Variants in SLC17A7 observed in about 807,000 individuals in gnomAD.
The protein encoded by SLC17A7 is solute carrier family 17 member 7, also known as vesicular glutamate transporter 1.
Under a neutral mutation model 59.1 loss-of-function variants are expected in SLC17A7, and 15 were observed. That is an observed-to-expected ratio of 0.25 (90% confidence interval 0.17 to 0.39). SLC17A7 has a LOEUF of 0.39. SLC17A7 is among the 10% of genes least tolerant of loss of function. SLC17A7 has a pLI of 1.00. For synonymous variants in SLC17A7, 353 were observed against 308.9 expected, an observed-to-expected ratio of 1.14 and a Z score of -1.50; for missense variants, 499 against 765.1, an observed-to-expected ratio of 0.65 and a Z score of 4.10.
In SLC17A7 at chr19:49,436,996, G is replaced by A. The variant is rs2122303424; in HGVS notation, c.63-195C>T. ...AAATCCTCCATCTCCCTCAGACCGG[G>A]AATTCAGGCCCCCAGCCCCCTCCTT... is the stretch of plus-strand genomic sequence containing the variant. On this transcript the variant is annotated intron_variant, in intron 1 of 11. Coordinates refer to ENST00000221485, the MANE Select transcript of SLC17A7 (RefSeq NM_020309.4). This position sits in a 1 kb window ranked among gnomAD's most constrained non-coding sequence, Gnocchi z 4.1. 2.8e-6 allele frequency: 2 copies of A among 713,748 alleles called. No homozygotes were observed. Among genetic ancestry groups the A allele is most frequent in the South Asian group, 1.9e-5 (1 of 51,472 alleles). The allele number at this position is 713,748 out of a possible 1,614,324, so 44.2% of individuals were successfully genotyped here. A position where few individuals can be genotyped will look rare whatever the true frequency, so the allele number is the denominator to read the frequency against.
In SLC17A7 at chr19:49,431,059, C is replaced by T. The variant is rs1273608876; in HGVS notation, c.1345G>A (p.Gly449Ser). The change falls in exon 11 of 12, where the codon GGC (glycine) becomes AGC (serine). Residue 449 changes from glycine (G) to serine (S), a missense_variant. Coordinates refer to ENST00000221485, the MANE Select transcript of SLC17A7 (RefSeq NM_020309.4). This position sits in a 1 kb window ranked among gnomAD's most constrained non-coding sequence, Gnocchi z 4.6. Reference sequence around the variant, plus strand: ...CCCACGATGATGGGGCACACCATGCCCGACAGTGTGCCCACGCCGTTGGAG... The same window carrying T: ...CCCACGATGATGGGGCACACCATGCTCGACAGTGTGCCCACGCCGTTGGAG... ...GISNGVGTLS[G>S]MVCPIIVGAM... 6.2e-7 allele frequency: 1 copy of T among 1,613,554 alleles called. No homozygotes were observed. Among genetic ancestry groups the T allele is most frequent in the Non-Finnish European group, 8.5e-7 (1 of 1,179,988 alleles).
chr19:49,435,364 G>A (rs771577352), intron 2 of SLC17A7, 78 bp from the exon 3 acceptor site: 12 of 1,017,662 alleles, frequency 1.2e-5, no homozygotes, highest in Non-Finnish European at 1.7e-5. Context: ...CACAGACTTA[G>A]CGTCTCGACC....
rs1413357081 is a variant in SLC17A7, at chr19:49,430,385, A to C, written c.*134T>G. 1 of 624,112 alleles carries C rather than the reference A, an allele frequency of 1.6e-6. No individual in the cohort carries two copies. Among genetic ancestry groups the C allele is most frequent in the East Asian group, 3.0e-5 (1 of 33,552 alleles). The allele number at this position is 624,112 out of a possible 1,614,324, so 38.7% of individuals were successfully genotyped here. A position where few individuals can be genotyped will look rare whatever the true frequency, so the allele number is the denominator to read the frequency against. On this transcript the variant is annotated 3_prime_UTR_variant, in exon 12 of 12. Transcript: ENST00000221485. Reference sequence around the variant, plus strand: ...TGGGAAGGAAAGAGGATTTGACAGCACTGGGAACAAGGGAGAGTGCTTCTT... The same window carrying C: ...TGGGAAGGAAAGAGGATTTGACAGCCCTGGGAACAAGGGAGAGTGCTTCTT...
At position 49,433,978 on chromosome 19, in the gene SLC17A7, A is replaced by T; in HGVS notation, c.706T>A (p.Ser236Thr). The change falls in exon 6 of 12, where the codon TCT (serine) becomes ACT (threonine). Residue 236 changes from serine to threonine, a missense_variant. Transcript: ENST00000221485. This position sits in a 1 kb window ranked among gnomAD's most constrained non-coding sequence, Gnocchi z 5.7. Reference sequence around the variant, plus strand: ...CCCTCACCGTAGACGTAGAAAACAGAGCTCCATCCTGAGTACTGCACAAGG... The same window carrying T: ...CCCTCACCGTAGACGTAGAAAACAGTGCTCCATCCTGAGTACTGCACAAGG... Reference protein sequence around the residue: ...GVLVQYSGWSSVFYVYGSFGI... With the variant: ...GVLVQYSGWSTVFYVYGSFGI... The T allele has an allele frequency of 6.2e-7, 1 of 1,613,504 alleles. No homozygotes were observed. The highest frequency in any genetic ancestry group is 1.7e-4 in the Middle Eastern group (1 of 6,060).
intron 8 of SLC17A7, 22 bp downstream of exon 8, chr19:49,432,789 G>A: frequency 6.3e-7 from 1 of 1,587,526 alleles, no homozygotes; most frequent in Non-Finnish European, 8.6e-7. Context: ...GCGCCCCCCT[G>A]CCCTCTCCTC....
rs762433312 is a variant in SLC17A7, at chr19:49,431,129, G to A, written c.1275C>T (p.Asn425=). The A allele has an allele frequency of 1.2e-6, 2 of 1,613,644 alleles. No homozygotes were observed. The highest frequency in any genetic ancestry group is 2.2e-5 in the South Asian group (2 of 91,070). ...SGFAISGFNV[N]HLDIAPRYAS... Reference sequence around the variant, plus strand: ...CGTAGCGCGGGGCTATGTCCAGGTGGTTCACGTTGAACCCTGGCGGAGAGA... The same window carrying A: ...CGTAGCGCGGGGCTATGTCCAGGTGATTCACGTTGAACCCTGGCGGAGAGA... Residue 425 remains asparagine, a synonymous_variant, in exon 11 of 12, where the codon AAC becomes AAT. Coordinates refer to ENST00000221485, the MANE Select transcript of SLC17A7 (RefSeq NM_020309.4). This position sits in a 1 kb window ranked among gnomAD's most constrained non-coding sequence, Gnocchi z 4.6.
At chr19:49,440,720 G>A (rs756591227) in intron 1 of SLC17A7, among the ~76,000 whole-genome samples, 2 of 152,172 alleles carry the variant, frequency 1.3e-5, no homozygotes, top group African/African-American at 2.4e-5. Context: ...ACAGAGAGAC[G>A]GAGAGACCCA....
chr19:49,441,436 C>T lies in SLC17A7; in HGVS notation c.-57G>A. On this transcript the variant is annotated 5_prime_UTR_variant, in exon 1 of 12. Coordinates refer to ENST00000221485, the MANE Select transcript of SLC17A7 (RefSeq NM_020309.4). ...GGTCCCCCCCGCCGATCCCCCCGCCCGCGGGCCCGGGCGGCCGCGTCCGGG... is the reference window on the plus strand; with the variant it reads ...GGTCCCCCCCGCCGATCCCCCCGCCTGCGGGCCCGGGCGGCCGCGTCCGGG... 3 of 1,372,474 alleles carry T rather than the reference C, an allele frequency of 2.2e-6. No individual in the cohort carries two copies. Among genetic ancestry groups the T allele is most frequent in the Non-Finnish European group, 2.8e-6 (3 of 1,061,070 alleles). The allele number at this position is 1,372,474 out of a possible 1,614,324, so 85.0% of individuals were successfully genotyped here.
In SLC17A7 at chr19:49,434,862, A is replaced by G; in HGVS notation, c.455T>C (p.Val152Ala). 6.2e-7 allele frequency: 1 copy of G among 1,613,884 alleles called. No individual in the cohort carries two copies. The highest frequency in any genetic ancestry group is 8.5e-7 in the Non-Finnish European group (1 of 1,179,870). ...CAGCATGTTTAGAGTGGATGTTGCC[A>G]CAATAGCAAAGCCGAAAACTCTGAT... ...AANRVFGFAI[V>A]ATSTLNMLIP... Residue 152 changes from valine (V) to alanine (A), a missense_variant, in exon 4 of 12, where the codon GTG (valine) becomes GCG (alanine). Around this residue, in one of 3 missense-constraint regions of SLC17A7, gnomAD observed 323 missense variants for 607.2 expected, o/e 0.53. Coordinates refer to ENST00000221485, the MANE Select transcript of SLC17A7 (RefSeq NM_020309.4).
intron 3 of SLC17A7, 98 bp from the exon 4 acceptor site, chr19:49,434,980 G>A (rs997657949): frequency 1.6e-6 from 2 of 1,239,362 alleles, no homozygotes; most frequent in South Asian, 1.2e-5. Context: ...TGGTCCCCGG[G>A]ACCCCAGGTC....
rs762992854 is a variant in SLC17A7 at position 49,435,118 on chromosome 19, C to T, written c.434+50G>A. The T allele has an allele frequency of 2.7e-5, 38 of 1,388,264 alleles. No individual in the cohort carries two copies. The African/African-American group carries it at 4.9e-4, about 18-fold the overall frequency. 86.0% of individuals were successfully genotyped at this position (1,388,264 alleles called of 1,614,324 possible). On this transcript the variant is annotated intron_variant, in intron 3 of 11. Coordinates refer to ENST00000221485, the MANE Select transcript of SLC17A7 (RefSeq NM_020309.4). The stretch of plus-strand genomic sequence containing the variant: ...AAATTCAAGACCACGCCCTCTAACT[C>T]CACCCACACAACTGTAGTTACCGCC...
chr19:49,433,474 CT>C lies in SLC17A7; in HGVS notation c.867+251del. On this transcript the variant is annotated intron_variant, in intron 7 of 11. Transcript: ENST00000221485. The surrounding 1 kb of genome is among the most constrained non-coding windows in gnomAD (Gnocchi z 5.7). ...AAGCAAAACCCCCACATTCTAATCC[CT>C]TCTCTGCTGGCTTTAACTATGCCCT... The C allele has an allele frequency of 1.6e-6, 1 of 641,108 alleles. No homozygotes were observed. 39.7% of individuals were successfully genotyped at this position (641,108 alleles called of 1,614,324 possible).
chr19:49,430,922 A>G, intron 11 of SLC17A7, 93 bp downstream of exon 11: 1 of 1,552,206 alleles, frequency 6.4e-7, no homozygotes. Context: ...CTGAAAAGGC[A>G]GGGATGGCAC....
At chr19:49,439,461 T>A (rs1352992795) in intron 1 of SLC17A7, among the ~76,000 whole-genome samples, 1 of 152,122 alleles carries the variant, frequency 6.6e-6, no homozygotes, top group Non-Finnish European at 1.5e-5. Flanking sequence ...CAAGTCACCC[T>A]GGGTGCAAGG....
At chr19:49,435,317 G>A in intron 2 of SLC17A7, 31 bp from the exon 3 acceptor site, 2 of 1,517,268 alleles carry the variant, frequency 1.3e-6, no homozygotes, top group African/African-American at 1.4e-5. Context: ...TAAATCAGCC[G>A]CCCTGTCCAG....
In SLC17A7 at chr19:49,441,419, C is replaced by A. The variant is rs773595714; in HGVS notation, c.-40G>T. 2.1e-6 allele frequency: 3 copies of A among 1,433,766 alleles called. No individual in the cohort carries two copies. Among genetic ancestry groups the A allele is most frequent in the Non-Finnish European group, 1.8e-6 (2 of 1,092,168 alleles). 88.8% of individuals were successfully genotyped at this position (1,433,766 alleles called of 1,614,324 possible). A position where few individuals can be genotyped will look rare whatever the true frequency, so the allele number is the denominator to read the frequency against. ...CCGCCGGTCACCCCGCGGGTCCCCC[C>A]CGCCGATCCCCCCGCCCGCGGGCCC... On this transcript the variant is annotated 5_prime_UTR_variant, in exon 1 of 12. Transcript: ENST00000221485.
Position 49,430,318 on chromosome 19 carries a change from T to G in SLC17A7, c.*201A>C. On this transcript the variant is annotated 3_prime_UTR_variant, in exon 12 of 12. Coordinates refer to ENST00000221485, the MANE Select transcript of SLC17A7 (RefSeq NM_020309.4). ...ACCTTTAGGGGAATTTGGGTATCCT[T>G]GAAACTGTCAGTCTGCAGCTTCACT... 2.0e-6 allele frequency: 1 copy of G among 510,034 alleles called. No homozygotes were observed. The highest frequency in any genetic ancestry group is 3.0e-5 in the South Asian group (1 of 32,810). The allele number at this position is 510,034 out of a possible 1,614,324, so 31.6% of individuals were successfully genotyped here.
At position 49,432,559 on chromosome 19, in the gene SLC17A7, G is replaced by T; in HGVS notation, c.1110C>A (p.Ile370=). Residue 370 remains isoleucine (I), a synonymous_variant, in exon 9 of 12, where the codon ATC becomes ATA. Coordinates refer to ENST00000221485, the MANE Select transcript of SLC17A7 (RefSeq NM_020309.4). ...ACTTGCGCACGTTGGTGGTGGACAT[G>T]ATGCGGCGGCTCCGCAGGAAGTCCG... is the stretch of plus-strand genomic sequence containing the variant. ...QIADFLRSRR[I]MSTTNVRKLM... is the part of the protein sequence containing the mutation. 1 of 1,611,780 alleles carries T rather than the reference G, an allele frequency of 6.2e-7. No individual in the cohort carries two copies. The highest frequency in any genetic ancestry group is 8.5e-7 in the Non-Finnish European group (1 of 1,179,552).
intron 1 of SLC17A7, chr19:49,437,547 T>G (rs1600988881): frequency 6.7e-6 from 1 of 150,182 alleles, no homozygotes; most frequent in Non-Finnish European, 1.5e-5. Context: ...TTCAGACAGG[T>G]GGAGAAAGAC....
Sources: allele counts gnomAD v4.1 joint callset (sites outside exome capture counted in the v4.1 genomes callset), GRCh38; gene constraint gnomAD v4.1.1; regional missense constraint gnomAD v4.1.1; non-coding constraint Gnocchi (gnomAD v3.1); transcripts MANE v1.5; gene names NCBI Gene and HGNC (gene_info 2026-07-23, HGNC 2026-07-21).